The following ZPBP variants were observed in gnomAD, a reference collection of about 807,000 sequenced individuals.
ZPBP encodes zona pellucida binding protein.
A neutral mutation model predicts 44.8 loss-of-function variants in ZPBP; 26 were observed. The ratio of observed to expected loss-of-function variants is 0.58; its 90% CI spans 0.43 to 0.81. The LOEUF (loss-of-function observed/expected upper bound fraction) is 0.81. ZPBP is among the 30% of genes least tolerant of loss of function. ZPBP has a pLI of 0.00. For missense variants in ZPBP, 409 were observed against 434.0 expected (o/e 0.94, Z 0.51); for synonymous variants, 174 against 153.2 (o/e 1.14, Z -1.00).
chr7:50,003,319 TAAG>T (rs936777172), intron 6 of ZPBP, among the ~76,000 whole-genome samples: 8 of 152,154 alleles, frequency 5.3e-5, no homozygotes, highest in African/African-American at 1.9e-4. Flanking sequence ...AGAAACTAGC[TAAG>T]AAGCTGCAGA....
intron 6 of ZPBP, among the ~76,000 whole-genome samples, chr7:49,986,269 C>A (rs1409584202): frequency 6.6e-6 from 1 of 152,174 alleles, no homozygotes; most frequent in Non-Finnish European, 1.5e-5. Context: ...GGAATGTCAA[C>A]CTTGGTCTAA....
chr7:50,007,284 C>G (rs976613207), intron 6 of ZPBP, among the ~76,000 whole-genome samples: 5 of 151,864 alleles, frequency 3.3e-5, no homozygotes, highest in African/African-American at 1.2e-4. Flanking sequence ...AATTGGATAA[C>G]CTAGATAAAA....
At chr7:49,993,908 C>T (rs1797685066) in intron 6 of ZPBP, among the ~76,000 whole-genome samples, 1 of 152,164 alleles carries the variant, frequency 6.6e-6, no homozygotes, top group South Asian at 2.1e-4. Flanking sequence ...AAGGGGTCAT[C>T]CCATCCCCTG....
chr7:50,072,362 G>C (rs1251468758), intron 3 of ZPBP, among the ~76,000 whole-genome samples: 2 of 152,232 alleles, frequency 1.3e-5, no homozygotes, highest in Admixed American at 6.5e-5. Context: ...AGACTTCTAA[G>C]GTTTTTTACT....
chr7:49,938,511 G>A (rs906197606), intron 7 of ZPBP, among the ~76,000 whole-genome samples: 1 of 152,056 alleles, frequency 6.6e-6, no homozygotes, highest in African/African-American at 2.4e-5. Flanking sequence ...TGTAAAACAG[G>A]TGCAATACAA....
chr7:50,015,604 C>G (rs750152391), intron 6 of ZPBP, among the ~76,000 whole-genome samples: 1 of 152,084 alleles, frequency 6.6e-6, no homozygotes, highest in Non-Finnish European at 1.5e-5. Flanking sequence ...AAGAAACTAT[C>G]AACACAGTAA....
At chr7:50,071,623 G>A (rs1301075488) in intron 3 of ZPBP, among the ~76,000 whole-genome samples, 1 of 152,096 alleles carries the variant, frequency 6.6e-6, no homozygotes, top group Non-Finnish European at 1.5e-5. Context: ...CTTTCCACCT[G>A]AGGAGAGGAA....
At chr7:49,921,418 A>G (rs1215371483) in intron 1 of ZPBP, 1 of 152,102 alleles carries the variant, frequency 6.6e-6, no homozygotes, top group African/African-American at 2.4e-5. Flanking sequence ...TTTGCAATTT[A>G]TTTGCTTTAA....
intron 7 of ZPBP, among the ~76,000 whole-genome samples, chr7:49,959,061 T>TAATAC (rs1011368958): frequency 1.8e-4 from 28 of 152,244 alleles, no homozygotes; most frequent in African/African-American, 6.7e-4. Context: ...ATTACTGTAC[T>TAATAC]AATACAATAA....
chr7:49,997,024 A>G (rs768637403), intron 6 of ZPBP, among the ~76,000 whole-genome samples: 4 of 152,200 alleles, frequency 2.6e-5, no homozygotes, highest in Non-Finnish European at 4.4e-5. Context: ...CCTACAGAGA[A>G]GAGCAATTAA....
chr7:49,845,298 A>G, the ZPBP span, among the ~76,000 whole-genome samples: 9 of 152,298 alleles, frequency 5.9e-5, no homozygotes, highest in Non-Finnish European at 1.2e-4. Flanking sequence ...CGAAGGAAAA[A>G]AAAAAGGTGA....
chr7:49,891,193 CAA>C (rs1329816169), intron 2 of ZPBP, among the ~76,000 whole-genome samples: 1 of 151,814 alleles, frequency 6.6e-6, no homozygotes, highest in Non-Finnish European at 1.5e-5. Flanking sequence ...AAATTATAAC[CAA>C]AAAAATGCAG....
chr7:49,937,173 A>T (rs1483092), downstream of ZPBP, among the ~76,000 whole-genome samples: 113,801 of 151,962 alleles, frequency 0.75, 42,853 homozygotes, highest in East Asian at 0.89. Flanking sequence ...AATTAAAGTT[A>T]TTATACAAGA....
chr7:50,012,435 T>C (rs1798631744), intron 6 of ZPBP, among the ~76,000 whole-genome samples: 1 of 151,904 alleles, frequency 6.6e-6, no homozygotes, highest in African/African-American at 2.4e-5. Flanking sequence ...TTACAAGTCA[T>C]TTTGCAAGGC....
chr7:49,860,412 T>C (rs1372111994), intron 2 of ZPBP, among the ~76,000 whole-genome samples: 1 of 152,258 alleles, frequency 6.6e-6, no homozygotes, highest in Non-Finnish European at 1.5e-5. Flanking sequence ...TTCATCCAAC[T>C]TGTAGCATGG....
intron 4 of ZPBP, among the ~76,000 whole-genome samples, chr7:50,056,677 G>C: frequency 6.6e-6 from 1 of 152,182 alleles, no homozygotes; most frequent in East Asian, 1.9e-4. Context: ...TGACAGAGCA[G>C]GAGCAGTGTC....
chr7:50,023,968 G>T (rs535162175), intron 5 of ZPBP, among the ~76,000 whole-genome samples: 4 of 151,650 alleles, frequency 2.6e-5, no homozygotes, highest in African/African-American at 7.2e-5. Flanking sequence ...AAAAAAACAA[G>T]AAAAGAATAT....
At chr7:49,941,094 A>G (rs1303335418) in intron 7 of ZPBP, among the ~76,000 whole-genome samples, 3 of 152,186 alleles carry the variant, frequency 2.0e-5, no homozygotes, top group African/African-American at 4.8e-5. Flanking sequence ...CAAAGCTACA[A>G]TGAGATATCA....
chr7:49,982,627 C>G (rs1022753194), intron 7 of ZPBP, among the ~76,000 whole-genome samples: 2 of 151,396 alleles, frequency 1.3e-5, no homozygotes, highest in African/African-American at 2.4e-5. Flanking sequence ...GACAAATAAA[C>G]TTTTTTCCTT....
Sources: gnomAD v4.1 joint callset for allele counts (sites outside exome capture counted in the v4.1 genomes callset) on GRCh38, gnomAD v4.1.1 for gene constraint, MANE v1.5 for transcripts, NCBI Gene and HGNC (gene_info 2026-07-23, HGNC 2026-07-21) for gene names.